Variants in MAD1L1 observed in about 807,000 individuals in gnomAD.
MAD1L1 encodes the protein mitotic arrest deficient 1 like 1.
Under a neutral mutation model 96.9 loss-of-function variants are expected in MAD1L1, and 95 were observed. The ratio of observed to expected loss-of-function variants is 0.98; its 90% CI spans 0.83 to 1.16. The LOEUF (loss-of-function observed/expected upper bound fraction) is 1.16, where lower values mean the gene tolerates loss of function less well. MAD1L1 is among the 50% of genes most tolerant of loss of function. The pLI, the probability that MAD1L1 is intolerant of heterozygous loss-of-function variation, is 0.00. For synonymous variants in MAD1L1, 473 were observed against 396.6 expected (o/e 1.19, Z -2.29); for missense variants, 1,007 against 954.4 (o/e 1.06, Z -0.73).
intron 11 of MAD1L1, among the ~76,000 whole-genome samples, chr7:2,081,879 C>T (rs1391015327): frequency 1.3e-5 from 2 of 152,228 alleles, no homozygotes; most frequent in African/African-American, 2.4e-5. Flanking sequence ...ACAGAGATCA[C>T]GGGACCCCTG....
chr7:2,065,339 G>A (rs1033818442), intron 12 of MAD1L1, among the ~76,000 whole-genome samples: 1 of 152,194 alleles, frequency 6.6e-6, no homozygotes, highest in African/African-American at 2.4e-5. Context: ...GCCGTGTCCA[G>A]GGTCCCAGCC....
intron 5 of MAD1L1, among the ~76,000 whole-genome samples, chr7:2,220,002 C>T (rs1162197278): frequency 1.3e-5 from 2 of 152,296 alleles, no homozygotes; most frequent in East Asian, 3.9e-4. Context: ...CATCAGACAT[C>T]CACATACCCG....
intron 10 of MAD1L1, among the ~76,000 whole-genome samples, chr7:2,159,808 TATTAACATGAAAG>T (rs1358417902): frequency 2.0e-5 from 3 of 152,240 alleles, no homozygotes; most frequent in Admixed American, 6.5e-5. Flanking sequence ...TCTTTTCCTA[TATTAACATGAAAG>T]ATCACCAAAA....
intron 11 of MAD1L1, among the ~76,000 whole-genome samples, chr7:2,127,488 T>TGCAC (rs1788286817): frequency 6.6e-6 from 1 of 152,122 alleles, no homozygotes; most frequent in Admixed American, 6.6e-5. Flanking sequence ...GAGGAGCAGC[T>TGCAC]GCACACGGGG....
chr7:2,130,529 G>A (rs1163962748), intron 11 of MAD1L1, among the ~76,000 whole-genome samples: 1 of 152,150 alleles, frequency 6.6e-6, no homozygotes, highest in East Asian at 1.9e-4. Context: ...CTCTCTCTGG[G>A]ACCCCAATGA....
At chr7:2,060,395 G>GCTGATGCTGAGATACA (rs1244832934) in intron 12 of MAD1L1, among the ~76,000 whole-genome samples, 5 of 151,528 alleles carry the variant, frequency 3.3e-5, no homozygotes, top group Middle Eastern at 3.4e-3. Flanking sequence ...GTCAAGATAC[G>GCTGATGCTGAGATACA]CTGATGCTGA....
rs997712573 is a variant in MAD1L1 at position 2,044,286 on chromosome 7, G to A, written c.1218+24908C>T. Among the ~76,000 whole-genome samples the A allele has an allele frequency of 3.3e-5, 5 of 152,190 alleles. No individual in the cohort carries two copies. The East Asian group carries it at 5.8e-4, about 18-fold the overall frequency. ...GACAATCTCCGCTCTCTCCAGCAACGAAACTGAGACACAGACGAATGACTT... is the reference window on the plus strand; with the variant it reads ...GACAATCTCCGCTCTCTCCAGCAACAAAACTGAGACACAGACGAATGACTT... On this transcript the variant is annotated intron_variant, in intron 12 of 18. Coordinates refer to ENST00000265854, the MANE Select transcript of MAD1L1 (RefSeq NM_001013836.2).
intron 14 of MAD1L1, among the ~76,000 whole-genome samples, chr7:1,992,493 G>A (rs978674976): frequency 2.6e-5 from 4 of 152,224 alleles, no homozygotes; most frequent in Non-Finnish European, 5.9e-5. Flanking sequence ...GTGGAGAACT[G>A]AGCACCTGCC....
At chr7:2,010,911 G>A (rs1054367195) in intron 13 of MAD1L1, among the ~76,000 whole-genome samples, 9 of 152,198 alleles carry the variant, frequency 5.9e-5, no homozygotes, top group African/African-American at 1.7e-4. Context: ...GGGGGACAGA[G>A]GGGTGAACAG....
At chr7:1,911,115 G>A (rs564695846) in intron 17 of MAD1L1, among the ~76,000 whole-genome samples, 32 of 152,224 alleles carry the variant, frequency 2.1e-4, no homozygotes, top group Non-Finnish European at 3.5e-4. Context: ...CCGCTCCTGG[G>A]CGGCCGCCTC....
At chr7:2,077,080 T>C (rs370566030) in intron 11 of MAD1L1, among the ~76,000 whole-genome samples, 1,647 of 147,634 alleles carry the variant, frequency 0.011, 28 homozygotes, top group African/African-American at 0.04. Flanking sequence ...CAAGACAGAG[T>C]TACGACTTGG....
At chr7:1,915,255 G>A (rs2128452772) in intron 17 of MAD1L1, among the ~76,000 whole-genome samples, 1 of 152,296 alleles carries the variant, frequency 6.6e-6, no homozygotes, top group South Asian at 2.1e-4. Flanking sequence ...AATAAACGAA[G>A]TGCAACAGTA....
chr7:2,127,038 G>T lies in MAD1L1; in HGVS notation c.1073+22114C>A, dbSNP rs1345161771. ...GCACATCCGAGGCCTCGTTCCCAGG[G>T]AAGAACAGAGCAGACGCGGGTGGGA... On this transcript the variant is annotated intron_variant, in intron 11 of 18. Transcript: ENST00000265854. 5.3e-5 allele frequency among the ~76,000 whole-genome samples: 8 copies of T among 152,232 alleles called. No individual in the cohort carries two copies. In the East Asian group the frequency reaches 1.3e-3, roughly 26 times the overall value.
rs372486030 is a variant in MAD1L1, at chr7:2,222,703, C to T, written c.343G>A (p.Glu115Lys). 11 of 1,610,660 alleles carry T rather than the reference C, an allele frequency of 6.8e-6. No homozygotes were observed. Among genetic ancestry groups the T allele is most frequent in the Non-Finnish European group, 8.5e-6 (10 of 1,179,752 alleles). Reference sequence around the variant, plus strand: ...TTCTCCTCCGCCCCGGCCTCCCGCTCCTGAAGCTGCCGGATGCGCGTCAGG... The same window carrying T: ...TTCTCCTCCGCCCCGGCCTCCCGCTTCTGAAGCTGCCGGATGCGCGTCAGG... The part of the protein sequence containing the change: ...ELLTRIRQLQ[E>K]REAGAEEKMQ... Residue 115 changes from glutamate to lysine, a missense_variant, in exon 5 of 19, where the codon GAG (glutamate) becomes AAG (lysine). Glu to Lys is a moderately conservative substitution (Grantham distance 56, BLOSUM62 1). Coordinates refer to ENST00000265854, the MANE Select transcript of MAD1L1 (RefSeq NM_001013836.2).
intron 12 of MAD1L1, among the ~76,000 whole-genome samples, chr7:2,067,428 T>C (rs969691294): frequency 1.3e-5 from 2 of 151,456 alleles, no homozygotes; most frequent in Non-Finnish European, 2.9e-5. Flanking sequence ...CCCAGGAAGC[T>C]CTGAGCTTCC....
intron 18 of MAD1L1, among the ~76,000 whole-genome samples, chr7:1,823,698 G>A (rs146342039): frequency 7.2e-5 from 11 of 152,316 alleles, no homozygotes; most frequent in Non-Finnish European, 8.8e-5. Context: ...GGCATCAGCG[G>A]CCATCGTGAG....
intron 13 of MAD1L1, among the ~76,000 whole-genome samples, chr7:2,005,481 A>C (rs1562600029): frequency 6.6e-6 from 1 of 152,174 alleles, no homozygotes; most frequent in Non-Finnish European, 1.5e-5. Flanking sequence ...TAGGGAGGAA[A>C]AGAAGGACGG....
At chr7:1,976,593 C>T (rs1395573846) in intron 15 of MAD1L1, among the ~76,000 whole-genome samples, 1 of 152,238 alleles carries the variant, frequency 6.6e-6, no homozygotes, top group African/African-American at 2.4e-5. Context: ...AAAGCTCCCA[C>T]AGCGTGGAAG....
In MAD1L1 at chr7:2,077,887, C is replaced by T. The variant is rs1241121433; in HGVS notation, c.1074-8549G>A. ...CTGTACACAGAGCTGTGTTCACAGGCGCCCGTCGGGGAGCCTCGCAGCAGC... is the reference window on the plus strand; with the variant it reads ...CTGTACACAGAGCTGTGTTCACAGGTGCCCGTCGGGGAGCCTCGCAGCAGC... On this transcript the variant is annotated intron_variant, in intron 11 of 18. Transcript: ENST00000265854. 3.3e-5 allele frequency among the ~76,000 whole-genome samples: 5 copies of T among 152,200 alleles called. No individual in the cohort carries two copies. In the East Asian group the frequency reaches 5.8e-4, roughly 18 times the overall value.
Sources: gnomAD v4.1 joint callset for allele counts (sites outside exome capture counted in the v4.1 genomes callset) on GRCh38, gnomAD v4.1.1 for gene constraint, MANE v1.5 for transcripts, NCBI Gene and HGNC (gene_info 2026-07-23, HGNC 2026-07-21) for gene names.